Variants in SNTG2 observed in about 807,000 individuals in gnomAD.
SNTG2 encodes syntrophin gamma 2, also known as gamma-2-syntrophin.
Under a neutral mutation model 70.9 loss-of-function variants are expected in SNTG2, and 74 were observed. The observed-to-expected ratio is 1.04, with a 90% CI of 0.86 to 1.27. The LOEUF (loss-of-function observed/expected upper bound fraction) is 1.27. Among genes scored for constraint, SNTG2 ranks in the 50% most tolerant of loss-of-function variants. The pLI is 0.00. For synonymous variants in SNTG2, 278 were observed against 273.8 expected, an observed-to-expected ratio of 1.02 and a Z score of -0.15; for missense variants, 717 against 690.7, an observed-to-expected ratio of 1.04 and a Z score of -0.43.
At chr2:1,359,998 T>A (rs1189682511) in intron 16 of SNTG2, among the ~76,000 whole-genome samples, 1 of 152,172 alleles carries the variant, frequency 6.6e-6, no homozygotes, top group Non-Finnish European at 1.5e-5. Flanking sequence ...AATGGTTATT[T>A]ATCTTCATTT....
chr2:1,223,359 C>G (rs1269306970), intron 9 of SNTG2, among the ~76,000 whole-genome samples: 5 of 148,808 alleles, frequency 3.4e-5, no homozygotes, highest in Non-Finnish European at 4.5e-5. Context: ...TCTCCCTGTC[C>G]TGCCGTGGAG....
intron 2 of SNTG2, among the ~76,000 whole-genome samples, chr2:1,091,598 G>GA (rs1275595240): frequency 2.0e-5 from 3 of 152,176 alleles, no homozygotes. Context: ...GCTCCCCCAT[G>GA]AAGCCCGCCA....
At chr2:976,848 AC>A (rs1345495020) in intron 1 of SNTG2, among the ~76,000 whole-genome samples, 2 of 149,764 alleles carry the variant, frequency 1.3e-5, no homozygotes, top group African/African-American at 2.5e-5. Context: ...CTCCTGCCAC[AC>A]CCCCTCCCCC....
chr2:1,122,427 T>C (rs929079003), intron 4 of SNTG2, among the ~76,000 whole-genome samples: 2 of 152,088 alleles, frequency 1.3e-5, no homozygotes, highest in Non-Finnish European at 2.9e-5. Flanking sequence ...GTAGGATTCA[T>C]CCATGGCATG....
chr2:1,149,919 A>C (rs1669367999), intron 6 of SNTG2, among the ~76,000 whole-genome samples: 2 of 151,754 alleles, frequency 1.3e-5, no homozygotes, highest in Non-Finnish European at 2.9e-5. Context: ...CAATCTCCTG[A>C]CCTTGTGATC....
At chr2:1,035,520 A>G (rs191258646) in intron 1 of SNTG2, among the ~76,000 whole-genome samples, 11 of 152,348 alleles carry the variant, frequency 7.2e-5, no homozygotes, top group African/African-American at 2.2e-4. Flanking sequence ...CCAACTCTCC[A>G]GCTGCAATTC....
At chr2:1,146,597 T>C (rs1669125186) in intron 6 of SNTG2, among the ~76,000 whole-genome samples, 1 of 152,210 alleles carries the variant, frequency 6.6e-6, no homozygotes, top group Non-Finnish European at 1.5e-5. Context: ...CAATGCAGTA[T>C]TGAAGTAGAA....
At chr2:1,041,128 C>G (rs1204269190) in intron 1 of SNTG2, among the ~76,000 whole-genome samples, 1 of 152,204 alleles carries the variant, frequency 6.6e-6, no homozygotes, top group African/African-American at 2.4e-5. Flanking sequence ...CCTGTACTTT[C>G]TAGGGCGAAT....
chr2:1,248,858 G>A (rs1366107824), intron 12 of SNTG2, among the ~76,000 whole-genome samples: 1 of 152,168 alleles, frequency 6.6e-6, no homozygotes, highest in East Asian at 1.9e-4. Flanking sequence ...TTACCAGTTG[G>A]CCTTTTATGG....
At position 1,353,161 on chromosome 2, in the gene SNTG2, C is replaced by T. The variant is rs938114166; in HGVS notation, c.1489-14182C>T. 6.6e-6 allele frequency among the ~76,000 whole-genome samples: 1 copy of T among 152,122 alleles called. No individual in the cohort carries two copies. The highest frequency in any genetic ancestry group is 2.4e-5 in the African/African-American group (1 of 41,434). On this transcript the variant is annotated intron_variant, in intron 16 of 16. Transcript: ENST00000308624. The surrounding 1 kb of genome is among the most constrained non-coding windows in gnomAD (Gnocchi z 4.2). ...ACTGGCTGTGGCGGGAGCACATATA[C>T]CTCAGCAGTGAGCAAAGGCTGCACA...
intron 1 of SNTG2, among the ~76,000 whole-genome samples, chr2:969,495 C>T (rs1660672841): frequency 6.6e-6 from 1 of 152,164 alleles, no homozygotes; most frequent in Admixed American, 6.5e-5. Context: ...TATCCATGAG[C>T]ATGGAATGTT....
intron 8 of SNTG2, among the ~76,000 whole-genome samples, chr2:1,201,298 A>C (rs1673257571): frequency 6.6e-6 from 1 of 151,998 alleles, no homozygotes; most frequent in Admixed American, 6.5e-5. Context: ...CAGGCACAGA[A>C]AGACAAATAT....
intron 4 of SNTG2, among the ~76,000 whole-genome samples, chr2:1,101,253 C>T (rs1665764425): frequency 6.6e-6 from 1 of 152,154 alleles, no homozygotes; most frequent in Non-Finnish European, 1.5e-5. Context: ...CTGTCTCCAT[C>T]CTCACCACCC....
intron 13 of SNTG2, among the ~76,000 whole-genome samples, chr2:1,265,802 G>A (rs952896308): frequency 5.9e-5 from 9 of 152,216 alleles, no homozygotes; most frequent in Non-Finnish European, 1.2e-4. Context: ...CCCAGCAGGT[G>A]GGCAGCTCCC....
At chr2:1,266,261 C>A (rs571102363) in intron 13 of SNTG2, among the ~76,000 whole-genome samples, 1 of 152,076 alleles carries the variant, frequency 6.6e-6, no homozygotes, top group Non-Finnish European at 1.5e-5. Flanking sequence ...ATGCTGTTGA[C>A]CTAGTAATTG....
At chr2:1,299,645 G>T (rs140937124) in intron 14 of SNTG2, among the ~76,000 whole-genome samples, 153 of 152,308 alleles carry the variant, frequency 1.0e-3, no homozygotes, top group African/African-American at 3.5e-3. Context: ...ATGACTTTCG[G>T]AGGGACACAA....
At chr2:1,082,247 G>C (rs867614332) in intron 1 of SNTG2, among the ~76,000 whole-genome samples, 2 of 152,148 alleles carry the variant, frequency 1.3e-5, no homozygotes, top group Non-Finnish European at 2.9e-5. Context: ...AAATCCTTTT[G>C]CTATTTGATG....
chr2:1,307,630 T>C (rs116162789), intron 14 of SNTG2, among the ~76,000 whole-genome samples: 1,564 of 152,264 alleles, frequency 0.01, 26 homozygotes, highest in African/African-American at 0.035. Context: ...CTCTTCTAAA[T>C]GGGAACATTT....
At chr2:1,146,563 T>C (rs1669122439) in intron 6 of SNTG2, among the ~76,000 whole-genome samples, 2 of 152,150 alleles carry the variant, frequency 1.3e-5, no homozygotes, top group African/African-American at 2.4e-5. Context: ...AAAGTTTATA[T>C]GGAGATGGAA....
Sources: allele counts gnomAD v4.1 joint callset (sites outside exome capture counted in the v4.1 genomes callset), GRCh38; gene constraint gnomAD v4.1.1; non-coding constraint Gnocchi (gnomAD v3.1); transcripts MANE v1.5; gene names NCBI Gene and HGNC (gene_info 2026-07-23, HGNC 2026-07-21).